Variants in COL20A1 observed in about 807,000 individuals in gnomAD.
COL20A1 encodes collagen alpha-1(XX) chain.
A neutral mutation model predicts 152.9 loss-of-function variants in COL20A1; 164 were observed. The ratio of observed to expected loss-of-function variants is 1.07; its 90% CI spans 0.94 to 1.22. COL20A1 has a LOEUF of 1.22. COL20A1 is among the 50% of genes most tolerant of loss of function. The probability of loss-of-function intolerance (pLI) is 0.00; values close to 1 mark genes in which losing one functional copy is unlikely to be tolerated. For synonymous variants in COL20A1, 864 were observed against 756.0 expected (o/e 1.14, Z -2.34); for missense variants, 1,873 against 1,744.8 (o/e 1.07, Z -1.31).
chr20:63,329,158 C>T (rs373739387), intron 34 of COL20A1: 8 of 197,584 alleles, frequency 4.0e-5, no homozygotes, highest in Admixed American at 5.3e-5. Context: ...ATCCCACAGA[C>T]GTCTCAGGAA....
At chr20:63,312,191 G>A (rs1395896653) in intron 14 of COL20A1, 136 bp downstream of exon 14, 2 of 1,182,084 alleles carry the variant, frequency 1.7e-6, no homozygotes, top group Non-Finnish European at 2.3e-6. Context: ...GGGGCACCTG[G>A]TGTGGGGGCA....
intron 3 of COL20A1, among the ~76,000 whole-genome samples, chr20:63,302,813 T>G (rs1673418845): frequency 6.6e-6 from 1 of 152,256 alleles, no homozygotes; most frequent in South Asian, 2.1e-4. Flanking sequence ...CTCTTGCCAG[T>G]GGCATCTTTG....
intron 27 of COL20A1, among the ~76,000 whole-genome samples, chr20:63,324,111 A>G (rs1056769520): frequency 1.1e-4 from 17 of 152,134 alleles, no homozygotes; most frequent in African/African-American, 4.1e-4. Context: ...TGTTGCTATT[A>G]TAAGTGAGGT....
At chr20:63,327,901 G>T in intron 31 of COL20A1, 51 bp from the exon 32 acceptor site, 1 of 1,550,152 alleles carries the variant, frequency 6.5e-7, no homozygotes, top group South Asian at 1.2e-5. Flanking sequence ...CTTGTCACGT[G>T]TGGTCTCAGG....
intron 1 of COL20A1, among the ~76,000 whole-genome samples, chr20:63,294,554 G>A (rs76186321): frequency 5.9e-5 from 9 of 151,266 alleles, no homozygotes; most frequent in Admixed American, 4.0e-4. Flanking sequence ...CTGCACCCCC[G>A]GCTGGCGTCC....
intron 14 of COL20A1, 70 bp from the exon 15 acceptor site, chr20:63,312,350 T>A: frequency 6.9e-7 from 1 of 1,439,362 alleles, no homozygotes; most frequent in East Asian, 2.5e-5. Context: ...GTGCTGGGCC[T>A]GATTCTCCAC....
rs2068359061 is a variant in COL20A1, at chr20:63,333,580, A to G, written c.*2864A>G. The stretch of plus-strand genomic sequence containing the variant: ...GGCCTTCACAGCCCCTCTGAGAGCC[A>G]CCTGCAAGGTGGGGAGCTGGGAAGA... On this transcript the variant is annotated 3_prime_UTR_variant, in exon 36 of 36. Coordinates refer to ENST00000358894, the MANE Select transcript of COL20A1 (RefSeq NM_020882.4). 1 of 152,220 alleles carries G rather than the reference A, an allele frequency of 6.6e-6. No homozygotes were observed. The highest frequency in any genetic ancestry group is 1.5e-5 in the Non-Finnish European group (1 of 68,042). 9.4% of individuals were successfully genotyped at this position (152,220 alleles called of 1,614,324 possible). A position where few individuals can be genotyped will look rare whatever the true frequency, so the allele number is the denominator to read the frequency against.
At chr20:63,326,896 A>ACTCAGGGACTTCCTACTGACAG (rs1479668340) in intron 31 of COL20A1, 73 bp downstream of exon 31, 2 of 1,062,538 alleles carry the variant, frequency 1.9e-6, no homozygotes, top group Admixed American at 3.9e-5. Context: ...ACATGCAACC[A>ACTCAGGGACTTCCTACTGACAG]CTCAGGGACT....
intron 14 of COL20A1, 127 bp from the exon 15 acceptor site, chr20:63,312,293 C>A: frequency 8.1e-7 from 1 of 1,228,592 alleles, no homozygotes; most frequent in Non-Finnish European, 1.1e-6. Flanking sequence ...TCAGGACAAG[C>A]CCATTTTCCC....
intron 25 of COL20A1, among the ~76,000 whole-genome samples, chr20:63,320,671 C>T (rs578015657): frequency 4.0e-5 from 2 of 50,022 alleles, no homozygotes; most frequent in South Asian, 1.3e-3. Flanking sequence ...CAGAGAGCCC[C>T]TCTCATCCTC....
chr20:63,313,214 CCCGCAGTGACCCTGTGTCCCT>C lies in COL20A1; in HGVS notation c.2179_2199del (p.Ser727_Arg733del), dbSNP rs1474129252. 28 of 1,612,196 alleles carry C rather than the reference CCCGCAGTGACCCTGTGTCCCT, an allele frequency of 1.7e-5. No homozygotes were observed. The highest frequency in any genetic ancestry group is 2.3e-5 in the Non-Finnish European group (27 of 1,179,602). ...ATCTTGGCCTACTACAGGGACGGGGCCCGCAGTGACCCTGTGTCCCTCCGCTATACCCCCTGTAGGTGCCCC... is the reference window on the plus strand; with the variant it reads ...ATCTTGGCCTACTACAGGGACGGGGCCCGCTATACCCCCTGTAGGTGCCCC... On this transcript the variant is annotated inframe_deletion, in exon 17 of 36. Coordinates refer to ENST00000358894, the MANE Select transcript of COL20A1 (RefSeq NM_020882.4). This position sits in a 1 kb window ranked among gnomAD's most constrained non-coding sequence, Gnocchi z 5.9.
intron 29 of COL20A1, 144 bp from the exon 30 acceptor site, chr20:63,325,952 T>C: frequency 1.3e-6 from 1 of 783,890 alleles, no homozygotes; most frequent in Non-Finnish European, 2.1e-6. Flanking sequence ...GGGGAGTGGC[T>C]GGGTAGGAGC....
At chr20:63,312,179 C>T (rs1331131879) in intron 14 of COL20A1, 124 bp downstream of exon 14, 7 of 1,241,054 alleles carry the variant, frequency 5.6e-6, no homozygotes, top group African/African-American at 3.0e-5. Flanking sequence ...CGAGGCACAG[C>T]GGGGGCACCT....
rs188950518 is a variant in COL20A1, at chr20:63,311,954, G to T, written c.1702G>T (p.Val568Leu). 2.5e-6 allele frequency: 4 copies of T among 1,590,604 alleles called. No individual in the cohort carries two copies. The African/African-American group carries it at 4.0e-5, about 16-fold the overall frequency. ...CCCGAGACACCTGGGCTTCTCAGACGTGAGCCACGACGCGGCACGAGTGTT... is the reference window on the plus strand; with the variant it reads ...CCCGAGACACCTGGGCTTCTCAGACTTGAGCCACGACGCGGCACGAGTGTT... ...APPRHLGFSDVSHDAARVFWE... is the reference protein window; with the variant it reads ...APPRHLGFSDLSHDAARVFWE... The change falls in exon 14 of 36, where the codon GTG (valine) becomes TTG (leucine). Residue 568 changes from valine to leucine, a missense_variant. Coordinates refer to ENST00000358894, the MANE Select transcript of COL20A1 (RefSeq NM_020882.4). This position sits in a 1 kb window ranked among gnomAD's most constrained non-coding sequence, Gnocchi z 4.4.
chr20:63,329,465 C>A, intron 34 of COL20A1, 120 bp from the exon 35 acceptor site: 1 of 746,470 alleles, frequency 1.3e-6, no homozygotes, highest in Non-Finnish European at 2.3e-6. Context: ...AGACTCCCAT[C>A]TAAGGACCAG....
chr20:63,328,859 T>A (rs1451573455), intron 34 of COL20A1, among the ~76,000 whole-genome samples: 1 of 29,646 alleles, frequency 3.4e-5, no homozygotes, highest in Non-Finnish European at 6.4e-5. Context: ...ACTCCCGCCC[T>A]CTTATCCTCC....
At position 63,309,360 on chromosome 20, in the gene COL20A1, T is replaced by A. The variant is rs570267441; in HGVS notation, c.968T>A (p.Leu323Gln). ...GTGAAGAACGCCGATGAGGCTGAGC[T>A]GAGGCTCCTGGCGTCCCCGCCGAGG... ...VGVKNADEAE[L>Q]RLLASPPRDI... is the part of the protein sequence containing the mutation. Residue 323 changes from leucine to glutamine, a missense_variant, in exon 9 of 36, where the codon CTG becomes CAG. Coordinates refer to ENST00000358894, the MANE Select transcript of COL20A1 (RefSeq NM_020882.4). 6.5e-7 allele frequency: 1 copy of A among 1,529,648 alleles called. No homozygotes were observed. Among genetic ancestry groups the A allele is most frequent in the East Asian group, 2.5e-5 (1 of 40,662 alleles). 94.8% of individuals were successfully genotyped at this position (1,529,648 alleles called of 1,614,324 possible). A position where few individuals can be genotyped will look rare whatever the true frequency, so the allele number is the denominator to read the frequency against.
At position 63,298,188 on chromosome 20, in the gene COL20A1, C is replaced by T. The variant is rs73921036; in HGVS notation, c.193+168C>T. 9.7e-3 allele frequency among the ~76,000 whole-genome samples: 1,481 copies of T among 152,366 alleles called. 26 individuals are homozygous for T. The highest frequency in any genetic ancestry group is 0.033 in the African/African-American group (1,361 of 41,574). ...GCTGACCCACATTCCTTTCCCCCGT[C>T]ACATATGACATGGAAGAGGGAATGG... On this transcript the variant is annotated intron_variant, in intron 3 of 35. Transcript: ENST00000358894.
In COL20A1 at chr20:63,306,371, C is replaced by T. The variant is rs949500168; in HGVS notation, c.496+332C>T. Among the ~76,000 whole-genome samples, 1 of 152,100 alleles carries T rather than the reference C, an allele frequency of 6.6e-6. No homozygotes were observed. Among genetic ancestry groups the T allele is most frequent in the Non-Finnish European group, 1.5e-5 (1 of 68,026 alleles). On this transcript the variant is annotated intron_variant, in intron 5 of 35. Transcript: ENST00000358894. The surrounding 1 kb of genome is among the most constrained non-coding windows in gnomAD (Gnocchi z 6.9). ...ACCACGAGGCCGGGAAGTTCTTCCTCGTGTCTGACCACACGGTCTCTGGCT... is the reference window on the plus strand; with the variant it reads ...ACCACGAGGCCGGGAAGTTCTTCCTTGTGTCTGACCACACGGTCTCTGGCT...
Sources: allele counts gnomAD v4.1 joint callset (sites outside exome capture counted in the v4.1 genomes callset), GRCh38; gene constraint gnomAD v4.1.1; non-coding constraint Gnocchi (gnomAD v3.1); transcripts MANE v1.5; gene names NCBI Gene and HGNC (gene_info 2026-07-23, HGNC 2026-07-21).